KIN: variants seen among roughly 807,000 people sequenced by gnomAD.
The protein encoded by KIN is Kin17 DNA and RNA binding protein, also known as DNA/RNA-binding protein KIN17.
Under a neutral mutation model 63.0 loss-of-function variants are expected in KIN, and 47 were observed. The observed-to-expected ratio is 0.75, with a 90% CI of 0.59 to 0.95. The LOEUF is 0.95. Among genes scored for constraint, KIN ranks in the 40% least tolerant of loss-of-function variants. KIN has a pLI of 0.00. For missense variants in KIN, 408 were observed against 460.9 expected (o/e 0.89, Z 1.05); for synonymous variants, 160 against 157.7 (o/e 1.01, Z -0.11).
intron 2 of KIN, among the ~76,000 whole-genome samples, chr10:7,782,640 ACCCGCCTCAG>A (rs1055979452): frequency 6.6e-6 from 1 of 151,568 alleles, no homozygotes; most frequent in Non-Finnish European, 1.5e-5. Flanking sequence ...CTTGTGATCC[ACCCGCCTCAG>A]CCTCCCAAAG....
chr10:7,759,956 T>G lies in KIN; in HGVS notation c.1053A>C (p.Arg351Ser). The change falls in exon 12 of 13, where the codon AGA becomes AGC. Residue 351 changes from arginine (R) to serine (S), a missense_variant. Around this residue, in one of 2 missense-constraint regions of KIN, gnomAD observed 298 missense variants for 296.0 expected, o/e 1.01. Transcript: ENST00000379562. ...KRILVLNGGY[R>S]GNEGTLESIN... is the part of the protein sequence containing the mutation. ...TGGATTCTAGGGTACCTTCATTTCC[T>G]CTGTAGCCTCCATTTAAAACTAGAA... 6.5e-7 allele frequency: 1 copy of G among 1,538,616 alleles called. No homozygotes were observed. Among genetic ancestry groups the G allele is most frequent in the Non-Finnish European group, 8.8e-7 (1 of 1,141,454 alleles).
rs142663533 is a variant in KIN, at chr10:7,769,192, C to T, written c.798+24G>A. ...TAATTTTCCTTGGGTTCTAAGGTGT[C>T]CACACGCAATCCATAAACTGTACCT... On this transcript the variant is annotated intron_variant, in intron 8 of 12. Coordinates refer to ENST00000379562, the MANE Select transcript of KIN (RefSeq NM_012311.4). 2.4e-4 allele frequency: 385 copies of T among 1,590,624 alleles called. 2 individuals are homozygous for T. The African/African-American group carries it at 3.4e-3, about 14-fold the overall frequency.
intron 1 of KIN, 79 bp from the exon 2 acceptor site, chr10:7,783,254 C>CA: frequency 1.7e-6 from 1 of 605,298 alleles, no homozygotes; most frequent in Middle Eastern, 3.1e-4. Flanking sequence ...AGTTAAAACC[C>CA]AAAAAATCTG....
At chr10:7,778,674 G>A (rs1029641194) in intron 5 of KIN, among the ~76,000 whole-genome samples, 164 bp downstream of exon 5, 3 of 152,182 alleles carry the variant, frequency 2.0e-5, no homozygotes, top group Admixed American at 2.0e-4. Context: ...GGGTGGCAGA[G>A]GTTGCAGTGA....
At chr10:7,758,681 A>C (rs926570104) in intron 12 of KIN, among the ~76,000 whole-genome samples, 6 of 152,060 alleles carry the variant, frequency 3.9e-5, no homozygotes, top group African/African-American at 1.4e-4. Flanking sequence ...CATGCAAAAA[A>C]AAAAAAAAAA....
rs1332005318 is a variant in KIN, at chr10:7,779,031, AG to A, written c.377-13del. On this transcript the variant is annotated splice_polypyrimidine_tract_variant and intron_variant, in intron 4 of 12. Coordinates refer to ENST00000379562, the MANE Select transcript of KIN (RefSeq NM_012311.4). ...CACTTTGCACAAGCCTTAAAAAAAC[AG>A]CCACTGCCATAAATTAGCATACAAT... 1 of 1,600,810 alleles carries A rather than the reference AG, an allele frequency of 6.2e-7. No individual in the cohort carries two copies. Among genetic ancestry groups the A allele is most frequent in the Non-Finnish European group, 8.5e-7 (1 of 1,175,504 alleles).
chr10:7,776,809 G>A (rs1210241148), intron 5 of KIN, among the ~76,000 whole-genome samples: 1 of 151,218 alleles, frequency 6.6e-6, no homozygotes, highest in Non-Finnish European at 1.5e-5. Flanking sequence ...CAGCACTTTG[G>A]GAGGTCGAGC....
intron 7 of KIN, among the ~76,000 whole-genome samples, chr10:7,769,748 T>C (rs1835628680): frequency 6.6e-6 from 1 of 152,208 alleles, no homozygotes; most frequent in South Asian, 2.1e-4. Flanking sequence ...GCCTCAAATC[T>C]TCATCTATAA....
At chr10:7,763,965 T>G (rs942517729) in intron 9 of KIN, among the ~76,000 whole-genome samples, 174 bp from the exon 10 acceptor site, 1 of 152,204 alleles carries the variant, frequency 6.6e-6, no homozygotes, top group Non-Finnish European at 1.5e-5. Context: ...TCCTTAGCAA[T>G]CTTTTATTCC....
intron 2 of KIN, 103 bp downstream of exon 2, chr10:7,782,978 C>A: frequency 2.0e-6 from 1 of 492,780 alleles, no homozygotes. Flanking sequence ...ATACAGTTAA[C>A]ATATAAGAAA....
At chr10:7,768,039 T>C (rs1835587449) in intron 8 of KIN, among the ~76,000 whole-genome samples, 1 of 152,176 alleles carries the variant, frequency 6.6e-6, no homozygotes, top group Admixed American at 6.5e-5. Context: ...TCTTAATTCA[T>C]TGATAAGGTA....
chr10:7,757,041 CTG>C (rs1482866459), intron 12 of KIN, among the ~76,000 whole-genome samples: 2 of 152,148 alleles, frequency 1.3e-5, no homozygotes, highest in East Asian at 3.8e-4. Flanking sequence ...AGTTTCCTCT[CTG>C]TGCCTTATTA....
chr10:7,778,761 A>G, intron 5 of KIN, 77 bp downstream of exon 5: 2 of 1,461,686 alleles, frequency 1.4e-6, no homozygotes. Context: ...AACAACAAAA[A>G]CAAAAAAGAA....
chr10:7,773,725 A>G (rs1391620868), intron 7 of KIN, among the ~76,000 whole-genome samples: 4 of 152,104 alleles, frequency 2.6e-5, no homozygotes, highest in Admixed American at 1.3e-4. Flanking sequence ...AACCCGAAAA[A>G]CTTAGATCTT....
At chr10:7,766,245 G>T in intron 8 of KIN, 142 bp from the exon 9 acceptor site, 1 of 525,718 alleles carries the variant, frequency 1.9e-6, no homozygotes. Flanking sequence ...TGCGAGCTCT[G>T]ATAAATACAA....
rs1401985043 is a variant in KIN, at chr10:7,754,407, G to C, written c.*1673C>G. On this transcript the variant is annotated 3_prime_UTR_variant, in exon 13 of 13. Transcript: ENST00000379562. ...CCCAGCACTTTGGGAGGCTGAGGCG[G>C]GCAGATCATAAGGTCAAGAGATCGA... 4.7e-6 allele frequency: 1 copy of C among 214,998 alleles called. No homozygotes were observed. Among genetic ancestry groups the C allele is most frequent in the African/African-American group, 2.3e-5 (1 of 42,802 alleles). The allele number at this position is 214,998 out of a possible 1,614,324, so 13.3% of individuals were successfully genotyped here. A position where few individuals can be genotyped will look rare whatever the true frequency, so the allele number is the denominator to read the frequency against.
At chr10:7,787,285 C>T (rs1348180320) in intron 1 of KIN, among the ~76,000 whole-genome samples, 5 of 152,228 alleles carry the variant, frequency 3.3e-5, no homozygotes, top group Admixed American at 3.3e-4. Flanking sequence ...TTTTGACAGT[C>T]TGATATATCC....
intron 10 of KIN, among the ~76,000 whole-genome samples, chr10:7,763,454 C>T (rs1022184852): frequency 1.3e-5 from 2 of 152,134 alleles, no homozygotes; most frequent in African/African-American, 4.8e-5. Context: ...GCAAGGCATG[C>T]ATGCTGAGGT....
chr10:7,778,351 C>T (rs1252609302), intron 5 of KIN, among the ~76,000 whole-genome samples: 7 of 152,128 alleles, frequency 4.6e-5, no homozygotes, highest in Admixed American at 4.6e-4. Flanking sequence ...AGGAATCAAA[C>T]CAAGGTTTGT....
Sources: gnomAD v4.1 joint callset for allele counts (sites outside exome capture counted in the v4.1 genomes callset) on GRCh38, gnomAD v4.1.1 for gene constraint, gnomAD v4.1.1 regional missense constraint, MANE v1.5 for transcripts, NCBI Gene and HGNC (gene_info 2026-07-23, HGNC 2026-07-21) for gene names.